Variants in GPALPP1 observed in about 807,000 individuals in gnomAD.
GPALPP1 encodes GPALPP motifs containing 1.
A neutral mutation model predicts 38.9 loss-of-function variants in GPALPP1; 30 were observed. The observed-to-expected ratio is 0.77, with a 90% CI of 0.58 to 1.05. The LOEUF (loss-of-function observed/expected upper bound fraction) is 1.05. GPALPP1 is among the 50% of genes least tolerant of loss of function. GPALPP1 has a pLI of 0.00. For synonymous variants in GPALPP1, 120 were observed against 139.2 expected, an observed-to-expected ratio of 0.86 and a Z score of 0.97; for missense variants, 384 against 408.8, an observed-to-expected ratio of 0.94 and a Z score of 0.52.
intron 1 of GPALPP1, among the ~76,000 whole-genome samples, chr13:45,003,129 AC>A (rs1263777647): frequency 6.6e-6 from 1 of 151,936 alleles, no homozygotes; most frequent in Non-Finnish European, 1.5e-5. Flanking sequence ...TTGAAATCAG[AC>A]TCCTGGGTTC....
intron 1 of GPALPP1, among the ~76,000 whole-genome samples, chr13:44,991,580 G>C (rs148878904): frequency 1.2e-4 from 18 of 152,050 alleles, no homozygotes; most frequent in African/African-American, 3.6e-4. Context: ...CTTCATAACC[G>C]CCTAGATGGC....
chr13:45,035,650 T>C (rs142984135), exon 8 of GPALPP1: 1 of 152,232 alleles, frequency 6.6e-6, no homozygotes, highest in African/African-American at 2.4e-5. Flanking sequence ...ATTCTGGACA[T>C]AGCAGAATGT....
At chr13:45,000,708 C>G (rs1394154864) in intron 1 of GPALPP1, among the ~76,000 whole-genome samples, 2 of 152,254 alleles carry the variant, frequency 1.3e-5, no homozygotes, top group African/African-American at 2.4e-5. Flanking sequence ...GCCAATCACT[C>G]CTGTGGGGTC....
chr13:45,022,268 C>A lies in GPALPP1; in HGVS notation c.804+1840C>A, dbSNP rs189514203. Reference sequence around the variant, plus strand: ...AATGCATCTATGGTGGGAAAAAAATCAATGCTGATAGTCGGAATAGGGGTA... The same window carrying A: ...AATGCATCTATGGTGGGAAAAAAATAAATGCTGATAGTCGGAATAGGGGTA... On this transcript the variant is annotated intron_variant, in intron 7 of 7. Transcript: ENST00000379151. 2.0e-5 allele frequency among the ~76,000 whole-genome samples: 3 copies of A among 152,092 alleles called. No individual in the cohort carries two copies. In the East Asian group the frequency reaches 5.8e-4, roughly 29 times the overall value.
intron 4 of GPALPP1, among the ~76,000 whole-genome samples, chr13:45,009,946 C>A (rs866895426): frequency 6.6e-6 from 1 of 152,204 alleles, no homozygotes; most frequent in Non-Finnish European, 1.5e-5. Flanking sequence ...TTTATGTAGC[C>A]CTTTCTCCTC....
At chr13:44,997,730 A>T (rs1047819272) in intron 1 of GPALPP1, among the ~76,000 whole-genome samples, 5 of 152,226 alleles carry the variant, frequency 3.3e-5, no homozygotes, top group Middle Eastern at 3.4e-3. Flanking sequence ...AGGAGTGCTT[A>T]CATCCCTACT....
chr13:45,030,112 C>A lies in GPALPP1; in HGVS notation c.*2109C>A, dbSNP rs1876120896. On this transcript the variant is annotated 3_prime_UTR_variant, in exon 8 of 8. Coordinates refer to ENST00000379151, the MANE Select transcript of GPALPP1 (RefSeq NM_018559.5). The stretch of plus-strand genomic sequence containing the variant: ...CGGGGGTCATATCAGTCATGAATAG[C>A]CTTTTTTAAAAATTTAATAATCCCT... 3 of 151,900 alleles carry A rather than the reference C, an allele frequency of 2.0e-5. No homozygotes were observed. Among genetic ancestry groups the A allele is most frequent in the African/African-American group, 4.8e-5 (2 of 41,364 alleles). The allele number at this position is 151,900 out of a possible 1,614,324, so 9.4% of individuals were successfully genotyped here.
chr13:45,037,604 CAG>C (rs1203640109), exon 8 of GPALPP1: 4 of 152,150 alleles, frequency 2.6e-5, no homozygotes, highest in African/African-American at 9.7e-5. Context: ...TATTTGAAAA[CAG>C]AGATTCTTAA....
At chr13:45,035,046 T>C (rs1265621949), downstream of GPALPP1, 3 of 147,384 alleles carry the variant, frequency 2.0e-5, no homozygotes, top group African/African-American at 7.6e-5. Context: ...AAGCTCCGCC[T>C]CTCGGGTTCA....
intron 1 of GPALPP1, among the ~76,000 whole-genome samples, chr13:44,992,930 A>G (rs1413275604): frequency 6.6e-6 from 1 of 152,154 alleles, no homozygotes; most frequent in Non-Finnish European, 1.5e-5. Flanking sequence ...ACCTATTCCC[A>G]TTAAACAATA....
In GPALPP1 at chr13:44,999,646, C is replaced by T. The variant is rs185072975; in HGVS notation, c.89-4659C>T. On this transcript the variant is annotated intron_variant, in intron 1 of 7. Coordinates refer to ENST00000379151, the MANE Select transcript of GPALPP1 (RefSeq NM_018559.5). ...CCAGACTGGAGTGCAGTGGCGTGATCTTGGCTCACAGCAACCTCCGCCTCC... is the reference window on the plus strand; with the variant it reads ...CCAGACTGGAGTGCAGTGGCGTGATTTTGGCTCACAGCAACCTCCGCCTCC... Among the ~76,000 whole-genome samples, 7 of 152,250 alleles carry T rather than the reference C, an allele frequency of 4.6e-5. No individual in the cohort carries two copies. In the East Asian group the frequency reaches 9.6e-4, roughly 21 times the overall value.
chr13:45,022,661 T>C (rs1219854734), intron 7 of GPALPP1, among the ~76,000 whole-genome samples: 1 of 152,204 alleles, frequency 6.6e-6, no homozygotes, highest in Non-Finnish European at 1.5e-5. Context: ...TAAAATACTT[T>C]AATGAAGACA....
In GPALPP1 at chr13:44,989,565, C is replaced by T. The variant is rs967071458; in HGVS notation, c.-90C>T. The T allele has an allele frequency of 1.5e-5, 23 of 1,485,320 alleles. No homozygotes were observed. The highest frequency in any genetic ancestry group is 1.7e-4 in the Middle Eastern group (1 of 5,778). The allele number at this position is 1,485,320 out of a possible 1,614,324, so 92.0% of individuals were successfully genotyped here. ...CATTTCTCGGCGCCGGGAAACCTGC[C>T]ATTCTTCGCTGCTGATCGCGGGATT... is the stretch of plus-strand genomic sequence containing the variant. On this transcript the variant is annotated 5_prime_UTR_variant, in exon 1 of 8. Coordinates refer to ENST00000379151, the MANE Select transcript of GPALPP1 (RefSeq NM_018559.5).
At chr13:45,025,612 T>C (rs1875775836) in intron 7 of GPALPP1, among the ~76,000 whole-genome samples, 1 of 152,092 alleles carries the variant, frequency 6.6e-6, no homozygotes, top group Non-Finnish European at 1.5e-5. Flanking sequence ...ATTTAGAAAT[T>C]ATTATTATGA....
At chr13:45,036,347 A>C (rs1351939053) in exon 8 of GPALPP1, 1 of 152,242 alleles carries the variant, frequency 6.6e-6, no homozygotes, top group African/African-American at 2.4e-5. Context: ...GTCAGATTGT[A>C]GTTCCTTGTC....
At position 44,989,707 on chromosome 13, in the gene GPALPP1, G is replaced by C; in HGVS notation, c.53G>C (p.Gly18Ala). The C allele has an allele frequency of 6.2e-7, 1 of 1,611,322 alleles. No homozygotes were observed. Among genetic ancestry groups the C allele is most frequent in the Non-Finnish European group, 8.5e-7 (1 of 1,179,888 alleles). The change falls in exon 1 of 8, where the codon GGA becomes GCA. Residue 18 changes from glycine (G) to alanine (A), a missense_variant. Gly to Ala is a moderately conservative substitution (Grantham distance 60). Coordinates refer to ENST00000379151, the MANE Select transcript of GPALPP1 (RefSeq NM_018559.5). ...CTGCCGCCCGGCTTCAAGGCCCGCG[G>C]AACAGCGGAGGACGAAGAGCGGGAC... The part of the protein sequence containing the change: ...PALPPGFKAR[G>A]TAEDEERDPS...
At chr13:45,004,750 C>T (rs9534019) in intron 2 of GPALPP1, among the ~76,000 whole-genome samples, 10,556 of 151,644 alleles carry the variant, frequency 0.07, 578 homozygotes, top group East Asian at 0.2. Context: ...CAAGCTCAAG[C>T]GATCCTCCCA....
intron 1 of GPALPP1, chr13:44,990,535 A>C (rs1490083808): frequency 6.6e-6 from 1 of 152,174 alleles, no homozygotes; most frequent in East Asian, 1.9e-4. Flanking sequence ...CCACCATTGC[A>C]CTATGGTCTT....
intron 7 of GPALPP1, among the ~76,000 whole-genome samples, chr13:45,024,952 G>A (rs754103329): frequency 6.6e-6 from 1 of 152,096 alleles, no homozygotes; most frequent in Non-Finnish European, 1.5e-5. Context: ...TACTCTTTTA[G>A]TGAAAGACTT....
Sources: allele counts gnomAD v4.1 joint callset (sites outside exome capture counted in the v4.1 genomes callset), GRCh38; gene constraint gnomAD v4.1.1; transcripts MANE v1.5; gene names NCBI Gene and HGNC (gene_info 2026-07-23, HGNC 2026-07-21).